The following FHOD3 variants were observed in gnomAD, a reference collection of about 807,000 sequenced individuals.
FHOD3 encodes the protein formin homology 2 domain containing 3.
Under a neutral mutation model 173.0 loss-of-function variants are expected in FHOD3, and 90 were observed. The observed-to-expected ratio is 0.52, with a 90% CI of 0.44 to 0.62. The LOEUF is 0.62. FHOD3 is among the 20% of genes least tolerant of loss of function. The pLI, the probability that FHOD3 is intolerant of heterozygous loss-of-function variation, is 0.00. For missense variants in FHOD3, 1,945 were observed against 2,034.7 expected (o/e 0.96, Z 0.85); for synonymous variants, 828 against 823.0 (o/e 1.01, Z -0.10).
intron 23 of FHOD3, 120 bp downstream of exon 23, chr18:36,744,313 C>A: frequency 1.0e-6 from 1 of 964,258 alleles, no homozygotes; most frequent in Non-Finnish European, 1.5e-6. Context: ...CCTGCATTCT[C>A]TGCTCTGGAG....
intron 19 of FHOD3, among the ~76,000 whole-genome samples, chr18:36,720,326 C>T (rs553970770): frequency 2.6e-5 from 4 of 151,316 alleles, no homozygotes; most frequent in South Asian, 2.1e-4. Context: ...CAACCTCCAC[C>T]TCCCGGGTTC....
At chr18:36,331,842 G>A (rs570056334) in intron 1 of FHOD3, among the ~76,000 whole-genome samples, 22 of 152,302 alleles carry the variant, frequency 1.4e-4, no homozygotes, top group Non-Finnish European at 2.9e-4. Flanking sequence ...GAGTGCACAC[G>A]GATAGGAGGA....
chr18:36,416,725 A>G (rs2049671478), intron 3 of FHOD3, among the ~76,000 whole-genome samples: 1 of 152,022 alleles, frequency 6.6e-6, no homozygotes, highest in Non-Finnish European at 1.5e-5. Flanking sequence ...CCCTTCCTCC[A>G]TATGCTTTGC....
chr18:36,357,183 A>T (rs2046400466), intron 2 of FHOD3, among the ~76,000 whole-genome samples: 1 of 152,204 alleles, frequency 6.6e-6, no homozygotes, highest in African/African-American at 2.4e-5. Flanking sequence ...TCTTAGTTTC[A>T]TATAGCTATT....
intron 10 of FHOD3, among the ~76,000 whole-genome samples, chr18:36,645,086 G>A (rs910385389): frequency 7.9e-5 from 12 of 152,120 alleles, no homozygotes; most frequent in Non-Finnish European, 1.5e-5. Context: ...AGCACATGGA[G>A]GAAAAGAAGA....
At chr18:36,739,105 C>T (rs527337329) in intron 20 of FHOD3, among the ~76,000 whole-genome samples, 2 of 152,192 alleles carry the variant, frequency 1.3e-5, no homozygotes, top group Non-Finnish European at 2.9e-5. Flanking sequence ...GTATAAGCTA[C>T]TCCCACTAAA....
intron 3 of FHOD3, among the ~76,000 whole-genome samples, chr18:36,463,450 A>T (rs1224510079): frequency 3.1e-4 from 3 of 9,774 alleles, no homozygotes; most frequent in African/African-American, 5.6e-4. Flanking sequence ...TATATTTTTT[A>T]TTTAAAAAAT....
intron 5 of FHOD3, among the ~76,000 whole-genome samples, chr18:36,556,597 T>G (rs2057896632): frequency 6.6e-6 from 1 of 152,224 alleles, no homozygotes; most frequent in African/African-American, 2.4e-5. Context: ...CAGTGTCATG[T>G]ATTCCCTCCC....
chr18:36,513,755 A>G (rs1041427145), intron 5 of FHOD3, among the ~76,000 whole-genome samples: 1 of 151,846 alleles, frequency 6.6e-6, no homozygotes, highest in Non-Finnish European at 1.5e-5. Flanking sequence ...AGCAACAGAG[A>G]GAACGTAGGG....
intron 3 of FHOD3, among the ~76,000 whole-genome samples, chr18:36,444,212 AG>A (rs1286584818): frequency 5.3e-5 from 8 of 151,208 alleles, no homozygotes; most frequent in African/African-American, 1.5e-4. Flanking sequence ...AAAAAAAAAA[AG>A]AATTGTAAAT....
chr18:36,662,725 C>T (rs963829280), intron 14 of FHOD3, among the ~76,000 whole-genome samples: 1 of 149,528 alleles, frequency 6.7e-6, no homozygotes, highest in Non-Finnish European at 1.5e-5. Flanking sequence ...GAATACTTAA[C>T]ATGAGATCTA....
intron 3 of FHOD3, among the ~76,000 whole-genome samples, chr18:36,440,537 C>T: frequency 6.6e-6 from 1 of 152,250 alleles, no homozygotes; most frequent in East Asian, 1.9e-4. Context: ...CCTCCACGGC[C>T]CTCCCACTGC....
intron 15 of FHOD3, among the ~76,000 whole-genome samples, chr18:36,685,577 C>G (rs2038556028): frequency 6.6e-6 from 1 of 152,046 alleles, no homozygotes; most frequent in African/African-American, 2.4e-5. Flanking sequence ...AAATTTAGTT[C>G]TAGTGTGGAA....
At chr18:36,371,872 T>C (rs751993622) in intron 2 of FHOD3, among the ~76,000 whole-genome samples, 2 of 152,192 alleles carry the variant, frequency 1.3e-5, no homozygotes, top group Non-Finnish European at 2.9e-5. Flanking sequence ...GCTGCCATGC[T>C]GTTGGCTGGC....
At chr18:36,772,671 C>G (rs978068710) in intron 28 of FHOD3, among the ~76,000 whole-genome samples, 2 of 152,234 alleles carry the variant, frequency 1.3e-5, no homozygotes, top group Non-Finnish European at 2.9e-5. Flanking sequence ...ACTTTGCAGT[C>G]AGCTGGGATA....
intron 20 of FHOD3, among the ~76,000 whole-genome samples, chr18:36,733,796 A>C (rs1170087371): frequency 6.6e-6 from 1 of 152,204 alleles, no homozygotes; most frequent in African/African-American, 2.4e-5. Context: ...CGCCTGCCAC[A>C]GATTCTCCTC....
intron 5 of FHOD3, among the ~76,000 whole-genome samples, chr18:36,540,855 C>T (rs2057181741): frequency 6.6e-6 from 1 of 152,192 alleles, no homozygotes; most frequent in South Asian, 2.1e-4. Flanking sequence ...TTGACTTCCC[C>T]TAATCCTCTT....
chr18:36,406,603 A>G (rs958349160), intron 3 of FHOD3, among the ~76,000 whole-genome samples: 3 of 152,210 alleles, frequency 2.0e-5, no homozygotes, highest in Non-Finnish European at 4.4e-5. Flanking sequence ...TGAGCCTATC[A>G]GTCATATTCA....
intron 19 of FHOD3, among the ~76,000 whole-genome samples, chr18:36,719,392 C>T (rs2040634987): frequency 6.7e-6 from 1 of 148,738 alleles, no homozygotes; most frequent in Admixed American, 6.8e-5. Context: ...TTATTGGGCA[C>T]CAAAGGTTAA....
Sources: gnomAD v4.1 joint callset for allele counts (sites outside exome capture counted in the v4.1 genomes callset) on GRCh38, gnomAD v4.1.1 for gene constraint, MANE v1.5 for transcripts, NCBI Gene and HGNC (gene_info 2026-07-23, HGNC 2026-07-21) for gene names.